Variants in LRRIQ3 observed in about 807,000 individuals in gnomAD.
The protein encoded by LRRIQ3 is leucine-rich repeat and IQ domain-containing protein 3.
Under a neutral mutation model 59.3 loss-of-function variants are expected in LRRIQ3, and 75 were observed. The observed-to-expected ratio is 1.26, with a 90% CI of 1.05 to 1.53. The LOEUF is 1.53. LRRIQ3 is among the 40% of genes most tolerant of loss of function. LRRIQ3 has a pLI of 0.00. For missense variants in LRRIQ3, 831 were observed against 710.0 expected, an observed-to-expected ratio of 1.17 and a Z score of -1.94; for synonymous variants, 250 against 231.3, an observed-to-expected ratio of 1.08 and a Z score of -0.73.
chr1:74,116,852 T>C (rs1173600372), intron 4 of LRRIQ3, among the ~76,000 whole-genome samples: 1 of 152,078 alleles, frequency 6.6e-6, no homozygotes, highest in Non-Finnish European at 1.5e-5. Flanking sequence ...AAGGTATAAA[T>C]TGCAGAAGCA....
At chr1:74,083,085 A>T (rs998689263) in intron 5 of LRRIQ3, 1 of 151,722 alleles carries the variant, frequency 6.6e-6, no homozygotes, top group Non-Finnish European at 1.5e-5. Flanking sequence ...GATGGATTAT[A>T]TAACAAGGCA....
At chr1:74,118,190 C>A (rs986442110) in intron 4 of LRRIQ3, among the ~76,000 whole-genome samples, 1 of 152,056 alleles carries the variant, frequency 6.6e-6, no homozygotes, top group Non-Finnish European at 1.5e-5. Flanking sequence ...CACACACACA[C>A]AATTATCAAT....
intron 2 of LRRIQ3, 78 bp downstream of exon 2, chr1:74,183,358 G>A: frequency 8.1e-7 from 1 of 1,232,778 alleles, no homozygotes; most frequent in Non-Finnish European, 1.1e-6. Context: ...AAGAAATACT[G>A]TGGATAGGTA....
chr1:74,112,478 C>G (rs930429856), intron 4 of LRRIQ3, among the ~76,000 whole-genome samples: 1 of 152,152 alleles, frequency 6.6e-6, no homozygotes, highest in African/African-American at 2.4e-5. Flanking sequence ...ACAGCAAAAA[C>G]TGGCCTCAAA....
At chr1:74,134,156 T>C (rs752324917) in intron 4 of LRRIQ3, among the ~76,000 whole-genome samples, 6 of 152,040 alleles carry the variant, frequency 3.9e-5, no homozygotes, top group Non-Finnish European at 7.4e-5. Flanking sequence ...ACTTGGCAAC[T>C]CCTCTTTCCA....
At position 74,183,610 on chromosome 1, in the gene LRRIQ3, T is replaced by A. The variant is rs755990570; in HGVS notation, c.75A>T (p.Glu25Asp). The change falls in exon 2 of 8, where the codon GAA becomes GAT. Residue 25 changes from glutamate to aspartate, a missense_variant. Transcript: ENST00000354431. ...TCACAAAAACAAAATCTTTTTGACC[T>A]TCTCTTATGTTTTCATTATAGTGAC... ...EWSHYNENIR[E>D]GQKDFVFVKF... 5 of 1,611,932 alleles carry A rather than the reference T, an allele frequency of 3.1e-6. No individual in the cohort carries two copies. The highest frequency in any genetic ancestry group is 4.2e-6 in the Non-Finnish European group (5 of 1,178,788).
chr1:74,108,689 C>T (rs1381766946), intron 5 of LRRIQ3, among the ~76,000 whole-genome samples: 1 of 151,724 alleles, frequency 6.6e-6, no homozygotes, highest in Non-Finnish European at 1.5e-5. Flanking sequence ...GTTAATTCTA[C>T]TATAATGCTA....
chr1:74,033,962 C>A (rs1653794024), intron 7 of LRRIQ3, among the ~76,000 whole-genome samples: 1 of 151,936 alleles, frequency 6.6e-6, no homozygotes, highest in Non-Finnish European at 1.5e-5. Context: ...CCCTGACTAG[C>A]TTTTATCTGA....
At chr1:74,125,942 T>A (rs572837573) in intron 4 of LRRIQ3, among the ~76,000 whole-genome samples, 1 of 151,902 alleles carries the variant, frequency 6.6e-6, no homozygotes, top group African/African-American at 2.4e-5. Flanking sequence ...AGTTCTTCTT[T>A]AATTGTTTAG....
At chr1:74,053,548 C>T (rs1443194290) in intron 6 of LRRIQ3, among the ~76,000 whole-genome samples, 2 of 152,052 alleles carry the variant, frequency 1.3e-5, no homozygotes, top group East Asian at 3.9e-4. Flanking sequence ...GAGCAAGGGG[C>T]TGGGTGCACT....
chr1:74,152,138 A>T (rs1648029299), intron 4 of LRRIQ3, among the ~76,000 whole-genome samples: 1 of 152,024 alleles, frequency 6.6e-6, no homozygotes. Flanking sequence ...AGAAAATTAT[A>T]TAAGACATGT....
Position 74,041,926 on chromosome 1 carries a change from C to T in LRRIQ3, c.1005G>A (p.Glu335=), listed in dbSNP as rs1350385118. The stretch of plus-strand genomic sequence containing the variant: ...TTTCATCCACAATTTCATCTTCAGA[C>T]TCCTGACCTACATCAAACAGAAGCA... ...TSRHLIQKGQ[E]SEDEIVDEKL... Residue 335 remains glutamate, a synonymous_variant, in exon 7 of 8, where the codon GAG becomes GAA. Coordinates refer to ENST00000354431, the MANE Select transcript of LRRIQ3 (RefSeq NM_001105659.2). 1 of 1,596,238 alleles carries T rather than the reference C, an allele frequency of 6.3e-7. No individual in the cohort carries two copies. The highest frequency in any genetic ancestry group is 8.5e-7 in the Non-Finnish European group (1 of 1,172,064).
intron 3 of LRRIQ3, among the ~76,000 whole-genome samples, chr1:74,163,977 T>G (rs1181597452): frequency 1.3e-5 from 2 of 151,558 alleles, no homozygotes; most frequent in Non-Finnish European, 3.0e-5. Flanking sequence ...TCAATTTCCA[T>G]TTCCCTAACA....
At chr1:74,125,897 C>T (rs757437268) in intron 4 of LRRIQ3, among the ~76,000 whole-genome samples, 1 of 151,764 alleles carries the variant, frequency 6.6e-6, no homozygotes, top group Non-Finnish European at 1.5e-5. Context: ...CCTTACTCCT[C>T]TATTTTTGGG....
chr1:74,094,242 C>T (rs1182455477), intron 5 of LRRIQ3, among the ~76,000 whole-genome samples: 2 of 151,932 alleles, frequency 1.3e-5, no homozygotes, highest in Non-Finnish European at 2.9e-5. Context: ...AGAATTTCAA[C>T]GTATGAATTT....
chr1:74,129,931 T>G (rs1178161693), intron 4 of LRRIQ3, among the ~76,000 whole-genome samples: 6 of 151,938 alleles, frequency 3.9e-5, no homozygotes, highest in Admixed American at 2.6e-4. Flanking sequence ...TCATGCCCAC[T>G]TCTACTGTGG....
chr1:74,071,653 C>T (rs776048503), intron 6 of LRRIQ3, among the ~76,000 whole-genome samples: 9 of 151,966 alleles, frequency 5.9e-5, no homozygotes, highest in Non-Finnish European at 1.2e-4. Context: ...TTGTGTCATT[C>T]TAATTTGATA....
chr1:74,179,259 G>C (rs1649834415), intron 3 of LRRIQ3, among the ~76,000 whole-genome samples: 1 of 151,878 alleles, frequency 6.6e-6, no homozygotes, highest in African/African-American at 2.4e-5. Flanking sequence ...TAGCAAAGAA[G>C]AACCCATGCT....
intron 5 of LRRIQ3, among the ~76,000 whole-genome samples, chr1:74,085,001 C>T (rs538323710): frequency 4.0e-5 from 6 of 151,640 alleles, no homozygotes; most frequent in Non-Finnish European, 8.9e-5. Flanking sequence ...ATTTCTATAG[C>T]TCATAACTTT....
Sources: allele counts gnomAD v4.1 joint callset (sites outside exome capture counted in the v4.1 genomes callset), GRCh38; gene constraint gnomAD v4.1.1; transcripts MANE v1.5; gene names NCBI Gene and HGNC (gene_info 2026-07-23, HGNC 2026-07-21).